CHIC1: variants seen among roughly 807,000 people sequenced by gnomAD.
CHIC1 encodes cysteine-rich hydrophobic domain-containing protein 1.
A neutral mutation model predicts 18.5 loss-of-function variants in CHIC1; 7 were observed. The observed-to-expected ratio is 0.38, with a 90% CI of 0.22 to 0.71. CHIC1 has a LOEUF of 0.71. Among genes scored for constraint, CHIC1 ranks in the 30% least tolerant of loss-of-function variants. CHIC1 has a pLI of 0.49. For missense variants in CHIC1, 159 were observed against 176.9 expected, an observed-to-expected ratio of 0.90 and a Z score of 0.57; for synonymous variants, 77 against 73.5, an observed-to-expected ratio of 1.05 and a Z score of -0.25.
intron 3 of CHIC1, among the ~76,000 whole-genome samples, chrX:73,600,895 G>A (rs1421571024): frequency 9.3e-6 from 1 of 107,415 alleles, no homozygotes; most frequent in Non-Finnish European, 1.9e-5. Flanking sequence ...AAAAAAAAAG[G>A]CAGGGGTTGC....
intron 3 of CHIC1, among the ~76,000 whole-genome samples, chrX:73,654,841 T>G (rs1291489701): frequency 8.9e-6 from 1 of 112,213 alleles, no homozygotes; most frequent in East Asian, 2.8e-4. Flanking sequence ...GTGATTCTTT[T>G]TATTTCTGTA....
chrX:73,639,534 C>G (rs1374734034), intron 3 of CHIC1, among the ~76,000 whole-genome samples: 1 of 111,912 alleles, frequency 8.9e-6, no homozygotes, highest in Non-Finnish European at 1.9e-5. Context: ...TTCAATTTGT[C>G]CATTTTTGCT....
intron 2 of CHIC1, among the ~76,000 whole-genome samples, chrX:73,580,793 A>T (rs1243827316): frequency 9.0e-6 from 1 of 111,065 alleles, no homozygotes; most frequent in African/African-American, 3.3e-5. Context: ...TGTGATTCTA[A>T]ATAGCTTTTA....
intron 3 of CHIC1, among the ~76,000 whole-genome samples, chrX:73,588,055 C>T (rs960526428): frequency 2.7e-5 from 3 of 111,690 alleles, no homozygotes; most frequent in Non-Finnish European, 5.7e-5. Flanking sequence ...ATTAAGCTAA[C>T]TTTGATACTT....
intron 3 of CHIC1, among the ~76,000 whole-genome samples, chrX:73,677,762 G>T (rs1209171201): frequency 8.9e-6 from 1 of 111,876 alleles, no homozygotes; most frequent in Non-Finnish European, 1.9e-5. Context: ...CTACTTTCTG[G>T]CCCTCCCCAG....
At chrX:73,666,847 A>G (rs2058006563) in intron 3 of CHIC1, among the ~76,000 whole-genome samples, 1 of 111,837 alleles carries the variant, frequency 8.9e-6, no homozygotes, top group South Asian at 3.8e-4. Context: ...GGGGGTGGAA[A>G]GTTCTTAGAT....
intron 3 of CHIC1, among the ~76,000 whole-genome samples, chrX:73,598,780 C>T (rs757409024): frequency 1.3e-4 from 14 of 110,327 alleles, no homozygotes; most frequent in South Asian, 4.0e-4. Context: ...TGAATAATGC[C>T]GCAATAAACA....
intron 3 of CHIC1, among the ~76,000 whole-genome samples, chrX:73,652,739 G>T (rs915047247): frequency 2.7e-5 from 3 of 112,047 alleles, no homozygotes; most frequent in Non-Finnish European, 5.6e-5. Context: ...AACAGATGTT[G>T]GTGAGGCTGT....
At chrX:73,577,326 G>T in intron 1 of CHIC1, 81 bp from the exon 2 acceptor site, 13 of 750,049 alleles carry the variant, frequency 1.7e-5, no homozygotes, top group Non-Finnish European at 2.5e-5. Context: ...AAAATGCATG[G>T]GTTTATAACT....
At chrX:73,598,482 T>A (rs866735792) in intron 3 of CHIC1, among the ~76,000 whole-genome samples, 1 of 35,227 alleles carries the variant, frequency 2.8e-5, no homozygotes, top group Admixed American at 4.6e-4. Flanking sequence ...CCCTCCCCCC[T>A]CCCCCCACCC....
intron 3 of CHIC1, among the ~76,000 whole-genome samples, chrX:73,672,607 G>A (rs1284452676): frequency 8.9e-6 from 1 of 112,170 alleles, no homozygotes; most frequent in African/African-American, 3.2e-5. Flanking sequence ...CCCACTTTTT[G>A]ATGTGGTTTG....
At chrX:73,581,147 C>T (rs946454418) in intron 2 of CHIC1, among the ~76,000 whole-genome samples, 3 of 110,128 alleles carry the variant, frequency 2.7e-5, no homozygotes, top group African/African-American at 6.6e-5. Context: ...CAATAAAAAC[C>T]GACCTTTACT....
intron 3 of CHIC1, among the ~76,000 whole-genome samples, chrX:73,621,671 T>C (rs1299105657): frequency 1.8e-5 from 2 of 112,041 alleles, no homozygotes; most frequent in Non-Finnish European, 3.8e-5. Context: ...TCTCTTCCTA[T>C]TTGAATACCC....
At chrX:73,608,808 G>A (rs2057694491) in intron 3 of CHIC1, among the ~76,000 whole-genome samples, 1 of 107,700 alleles carries the variant, frequency 9.3e-6, no homozygotes, top group Admixed American at 9.8e-5. Context: ...CTACCTATAA[G>A]TTTATGTCAT....
At chrX:73,650,713 A>C (rs898472567) in intron 3 of CHIC1, among the ~76,000 whole-genome samples, 27 of 109,139 alleles carry the variant, frequency 2.5e-4, no homozygotes, top group Non-Finnish European at 4.6e-4. Context: ...AAAAAAAAAA[A>C]AAAAAAGCCC....
At chrX:73,669,264 C>A (rs1569505443) in intron 3 of CHIC1, among the ~76,000 whole-genome samples, 1 of 112,194 alleles carries the variant, frequency 8.9e-6, no homozygotes, top group East Asian at 2.8e-4. Flanking sequence ...AGCTCTGTCC[C>A]TAATAGGTTC....
intron 3 of CHIC1, among the ~76,000 whole-genome samples, chrX:73,633,526 C>G (rs1225085620): frequency 9.0e-6 from 1 of 111,470 alleles, no homozygotes; most frequent in Non-Finnish European, 1.9e-5. Flanking sequence ...TCTTGGCTCT[C>G]AACCTATTTG....
intron 1 of CHIC1, among the ~76,000 whole-genome samples, chrX:73,567,756 T>C (rs1439469138): frequency 1.8e-5 from 2 of 110,486 alleles, no homozygotes; most frequent in East Asian, 2.9e-4. Flanking sequence ...GCCTAAACTT[T>C]TGCCATTTCC....
At position 73,577,460 on chromosome X, in the gene CHIC1, A is replaced by G; in HGVS notation, c.350A>G (p.Lys117Arg). ...GAATTTCCCTCCGTTCTAACAGGGA[A>G]GGTAAGTGAGAATTTGCTTTGAACT... ...DTEFPSVLTG[K>R]VAPEEFKTSI... The change falls in exon 2 of 6, where the codon AAG becomes AGG. Residue 117 changes from lysine to arginine, a missense_variant and splice_region_variant. Transcript: ENST00000373502. The G allele has an allele frequency of 8.4e-7, 1 of 1,183,846 alleles. No homozygotes were observed. The highest frequency in any genetic ancestry group is 1.1e-6 in the Non-Finnish European group (1 of 871,887).
Sources: allele counts gnomAD v4.1 joint callset (sites outside exome capture counted in the v4.1 genomes callset), GRCh38; gene constraint gnomAD v4.1.1; transcripts MANE v1.5; gene names NCBI Gene and HGNC (gene_info 2026-07-23, HGNC 2026-07-21).